Variants in APBA2 observed in about 807,000 individuals in gnomAD.
APBA2 encodes amyloid-beta A4 precursor protein-binding family A member 2.
Under a neutral mutation model 75.0 loss-of-function variants are expected in APBA2, and 30 were observed. The observed-to-expected ratio is 0.40, with a 90% CI of 0.30 to 0.54. The LOEUF (loss-of-function observed/expected upper bound fraction) is 0.54, where lower values mean the gene tolerates loss of function less well. Ranked by LOEUF, APBA2 falls within the 20% of genes least tolerant of loss-of-function variation. APBA2 has a pLI of 0.49. For missense variants in APBA2, 801 were observed against 1,016.1 expected (o/e 0.79, Z 2.88); for synonymous variants, 444 against 409.6 (o/e 1.08, Z -1.01).
At chr15:28,931,782 A>G (rs912833859) in intron 2 of APBA2, among the ~76,000 whole-genome samples, 10 of 152,220 alleles carry the variant, frequency 6.6e-5, no homozygotes, top group Admixed American at 2.0e-4. Context: ...TATTCAAATT[A>G]TCAGTAATTT....
intron 3 of APBA2, among the ~76,000 whole-genome samples, chr15:29,016,356 A>G (rs2039663306): frequency 6.6e-6 from 1 of 152,220 alleles, no homozygotes; most frequent in South Asian, 2.1e-4. Context: ...AAAGCAACAG[A>G]GCTTAATGAG....
At chr15:29,057,750 T>A (rs1249507597) in intron 4 of APBA2, among the ~76,000 whole-genome samples, 1 of 152,232 alleles carries the variant, frequency 6.6e-6, no homozygotes, top group African/African-American at 2.4e-5. Flanking sequence ...CCATTGAGCA[T>A]GCAGATTGTG....
In APBA2 at chr15:29,046,445, C is replaced by T. The variant is rs2041336225; in HGVS notation, c.-40-7400C>T. Among the ~76,000 whole-genome samples, 1 of 152,156 alleles carries T rather than the reference C, an allele frequency of 6.6e-6. No homozygotes were observed. Among genetic ancestry groups the T allele is most frequent in the Admixed American group, 6.5e-5 (1 of 15,278 alleles). On this transcript the variant is annotated intron_variant, in intron 3 of 14. Transcript: ENST00000683413. The surrounding 1 kb of genome is among the most constrained non-coding windows in gnomAD (Gnocchi z 5.0). ...GGGGACAGTTGTCCTTGCTCTCCACCCCCTGGAGTAGGGGAAGAAGGCTTG... is the reference window on the plus strand; with the variant it reads ...GGGGACAGTTGTCCTTGCTCTCCACTCCCTGGAGTAGGGGAAGAAGGCTTG...
At chr15:29,103,354 A>T (rs2152966371) in intron 10 of APBA2, among the ~76,000 whole-genome samples, 1 of 152,272 alleles carries the variant, frequency 6.6e-6, no homozygotes, top group East Asian at 1.9e-4. Context: ...CCCACAGCCC[A>T]CTTGCAGGAG....
intron 1 of APBA2, among the ~76,000 whole-genome samples, chr15:28,900,262 G>T (rs947001889): frequency 1.3e-5 from 2 of 152,188 alleles, no homozygotes; most frequent in African/African-American, 4.8e-5. Flanking sequence ...TGTGGGAATG[G>T]GTGACAGGTG....
chr15:29,004,154 T>G (rs928797695), intron 3 of APBA2, among the ~76,000 whole-genome samples: 10 of 152,160 alleles, frequency 6.6e-5, no homozygotes, highest in Non-Finnish European at 1.5e-5. Flanking sequence ...GGCTTTTGTC[T>G]TAGAGACTTG....
At chr15:29,077,236 C>T (rs2042889616) in intron 6 of APBA2, among the ~76,000 whole-genome samples, 1 of 152,158 alleles carries the variant, frequency 6.6e-6, no homozygotes, top group Non-Finnish European at 1.5e-5. Flanking sequence ...GACCACACTC[C>T]CCACATTCCC....
At chr15:29,110,116 TG>T (rs1337703111) in intron 13 of APBA2, among the ~76,000 whole-genome samples, 1 of 152,212 alleles carries the variant, frequency 6.6e-6, no homozygotes, top group Non-Finnish European at 1.5e-5. Context: ...GTGCGCACTT[TG>T]TGGATGGGCA....
intron 2 of APBA2, among the ~76,000 whole-genome samples, chr15:28,924,105 A>G (rs1270758090): frequency 6.6e-6 from 1 of 152,102 alleles, no homozygotes; most frequent in Non-Finnish European, 1.5e-5. Flanking sequence ...ACGAGGACAG[A>G]CTCAACACAG....
Position 29,056,885 on chromosome 15 carries a change from C to T in APBA2, c.951+2050C>T, listed in dbSNP as rs371097968. ...TCTTTGAAACCTGACCAGAAAGAGC[C>T]GTAGAATTCATCTTGAAAGCAAGAT... On this transcript the variant is annotated intron_variant, in intron 4 of 14. Transcript: ENST00000683413. Among the ~76,000 whole-genome samples, 7 of 151,966 alleles carry T rather than the reference C, an allele frequency of 4.6e-5. No homozygotes were observed. The East Asian group carries it at 9.8e-4, about 21-fold the overall frequency.
At chr15:28,932,260 G>C (rs1028661598) in intron 2 of APBA2, among the ~76,000 whole-genome samples, 1 of 152,228 alleles carries the variant, frequency 6.6e-6, no homozygotes, top group East Asian at 1.9e-4. Context: ...GCTGAGGGGG[G>C]CACCTGGAGC....
intron 3 of APBA2, among the ~76,000 whole-genome samples, chr15:29,003,892 A>G (rs1056554033): frequency 6.6e-6 from 1 of 152,252 alleles, no homozygotes; most frequent in African/African-American, 2.4e-5. Context: ...TATGGACTTT[A>G]ATGACATGGA....
At chr15:28,969,128 T>TTTTCTTTCTTTC (rs138940957) in intron 2 of APBA2, among the ~76,000 whole-genome samples, 8,500 of 136,924 alleles carry the variant, frequency 0.062, 435 homozygotes, top group Non-Finnish European at 0.094. Flanking sequence ...TTTCATTTCT[T>TTTTCTTTCTTTC]TTTCTTTCTT....
chr15:29,109,091 C>A (rs931154324), intron 13 of APBA2, among the ~76,000 whole-genome samples: 1 of 152,178 alleles, frequency 6.6e-6, no homozygotes, highest in African/African-American at 2.4e-5. Flanking sequence ...CTGGCAATAC[C>A]CAAATTGTTT....
chr15:28,984,931 CT>C (rs2037836014), intron 2 of APBA2, among the ~76,000 whole-genome samples: 2 of 151,612 alleles, frequency 1.3e-5, no homozygotes. Flanking sequence ...CTCTCTCTCT[CT>C]CTCTCCCTCT....
chr15:28,976,316 C>T (rs531205401), intron 2 of APBA2, among the ~76,000 whole-genome samples: 1 of 152,276 alleles, frequency 6.6e-6, no homozygotes, highest in South Asian at 2.1e-4. Context: ...CAATCTTCAT[C>T]CTTTAATTTC....
chr15:28,964,571 T>A (rs774601416), intron 2 of APBA2, among the ~76,000 whole-genome samples: 12 of 151,250 alleles, frequency 7.9e-5, no homozygotes, highest in Non-Finnish European at 1.5e-4. Context: ...CACTGCAACC[T>A]CCGCCTCCTA....
chr15:28,925,888 C>T (rs150518943), intron 2 of APBA2, among the ~76,000 whole-genome samples: 16 of 152,262 alleles, frequency 1.1e-4, no homozygotes, highest in African/African-American at 2.9e-4. Flanking sequence ...AGGATTGTAA[C>T]ATCCTCTTAA....
intron 2 of APBA2, among the ~76,000 whole-genome samples, chr15:28,982,311 T>A (rs2037667162): frequency 6.6e-6 from 1 of 152,236 alleles, no homozygotes; most frequent in African/African-American, 2.4e-5. Context: ...AGGCTTTAAT[T>A]TTGTTGCCCT....
Sources: allele counts gnomAD v4.1 joint callset (sites outside exome capture counted in the v4.1 genomes callset), GRCh38; gene constraint gnomAD v4.1.1; non-coding constraint Gnocchi (gnomAD v3.1); transcripts MANE v1.5; gene names NCBI Gene and HGNC (gene_info 2026-07-23, HGNC 2026-07-21).